Variants in PCSK5 observed in about 807,000 individuals in gnomAD.
The protein encoded by PCSK5 is proprotein convertase subtilisin/kexin type 5.
A neutral mutation model predicts 233.2 loss-of-function variants in PCSK5; 129 were observed. The ratio of observed to expected loss-of-function variants is 0.55; its 90% CI spans 0.48 to 0.64. The LOEUF is 0.64. PCSK5 is among the 30% of genes least tolerant of loss of function. The pLI is 0.00. For synonymous variants in PCSK5, 825 were observed against 879.2 expected, an observed-to-expected ratio of 0.94 and a Z score of 1.09; for missense variants, 2,076 against 2,430.1, an observed-to-expected ratio of 0.85 and a Z score of 3.06.
At chr9:76,355,428 G>A (rs966021640) in intron 37 of PCSK5, among the ~76,000 whole-genome samples, 3 of 151,904 alleles carry the variant, frequency 2.0e-5, no homozygotes, top group Non-Finnish European at 4.4e-5. Context: ...AGCCAAGATC[G>A]TGCCACTGCA....
At chr9:76,230,348 A>G (rs563773171) in intron 21 of PCSK5, among the ~76,000 whole-genome samples, 52 of 152,190 alleles carry the variant, frequency 3.4e-4, no homozygotes, top group Non-Finnish European at 5.9e-4. Flanking sequence ...TATGTGATTG[A>G]TATGTTCCTC....
At chr9:76,218,465 A>G (rs1434093036) in intron 20 of PCSK5, among the ~76,000 whole-genome samples, 1 of 152,174 alleles carries the variant, frequency 6.6e-6, no homozygotes, top group Non-Finnish European at 1.5e-5. Context: ...CAGGGTTTAG[A>G]TGATGTTCAC....
At chr9:76,347,431 C>T (rs1204593639) in intron 35 of PCSK5, among the ~76,000 whole-genome samples, 3 of 152,116 alleles carry the variant, frequency 2.0e-5, no homozygotes, top group African/African-American at 4.8e-5. Context: ...CAACAAACTG[C>T]CTTTTGCTAA....
At chr9:76,042,023 A>G (rs1026446451) in intron 5 of PCSK5, among the ~76,000 whole-genome samples, 3 of 152,188 alleles carry the variant, frequency 2.0e-5, no homozygotes, top group Non-Finnish European at 4.4e-5. Flanking sequence ...TCATGTTGTT[A>G]TTCTACAGTG....
At chr9:75,960,254 C>CAG (rs999421847) in intron 2 of PCSK5, among the ~76,000 whole-genome samples, 1 of 152,170 alleles carries the variant, frequency 6.6e-6, no homozygotes, top group Admixed American at 6.5e-5. Context: ...AAGACTCAGT[C>CAG]AGAGCAATTG....
At chr9:76,193,580 C>T (rs1247729825) in intron 20 of PCSK5, 1 of 447,422 alleles carries the variant, frequency 2.2e-6, no homozygotes, top group Admixed American at 3.9e-5. Flanking sequence ...CCTTTTATAA[C>T]TGGGTGTTTA....
chr9:75,994,775 C>T (rs188533617), intron 3 of PCSK5, among the ~76,000 whole-genome samples: 131 of 152,210 alleles, frequency 8.6e-4, no homozygotes, highest in Non-Finnish European at 1.6e-3. Context: ...CATACAGCAG[C>T]CAGAGTGATT....
At chr9:75,953,773 C>T (rs1425192768) in intron 2 of PCSK5, among the ~76,000 whole-genome samples, 1 of 151,894 alleles carries the variant, frequency 6.6e-6, no homozygotes, top group Middle Eastern at 3.2e-3. Context: ...CTATCAAATT[C>T]CCACACTTTT....
intron 3 of PCSK5, among the ~76,000 whole-genome samples, chr9:75,993,778 T>G (rs762966573): frequency 2.4e-4 from 36 of 152,182 alleles, no homozygotes; most frequent in Non-Finnish European, 4.6e-4. Flanking sequence ...CTTGCTTTAG[T>G]AAATCACACA....
chr9:76,141,973 A>G (rs1189503855), intron 10 of PCSK5, among the ~76,000 whole-genome samples: 2 of 152,138 alleles, frequency 1.3e-5, no homozygotes, highest in East Asian at 1.9e-4. Context: ...ACTGGGGCCT[A>G]CTTGAGCGGG....
intron 5 of PCSK5, among the ~76,000 whole-genome samples, chr9:76,057,803 C>T (rs1829874044): frequency 6.9e-6 from 1 of 143,898 alleles, no homozygotes; most frequent in Admixed American, 6.9e-5. Context: ...TGGTATGGTA[C>T]ATCTAAAACT....
intron 2 of PCSK5, among the ~76,000 whole-genome samples, chr9:75,960,504 G>C (rs561107768): frequency 3.3e-5 from 5 of 152,286 alleles, no homozygotes; most frequent in Non-Finnish European, 5.9e-5. Context: ...GGAAAACAGA[G>C]GGAATGTGAT....
intron 20 of PCSK5, among the ~76,000 whole-genome samples, chr9:76,225,490 C>T (rs1057458246): frequency 2.5e-4 from 38 of 152,036 alleles, no homozygotes; most frequent in African/African-American, 8.9e-4. Flanking sequence ...TTTGCACTGG[C>T]CCCTGTAGGC....
chr9:76,075,871 G>A (rs1186406172), intron 7 of PCSK5, among the ~76,000 whole-genome samples: 1 of 152,136 alleles, frequency 6.6e-6, no homozygotes, highest in Non-Finnish European at 1.5e-5. Flanking sequence ...CTTTCTATAT[G>A]CTGTAGATAA....
At chr9:75,907,249 T>A (rs569672764) in intron 1 of PCSK5, among the ~76,000 whole-genome samples, 249 of 152,292 alleles carry the variant, frequency 1.6e-3, no homozygotes, top group Non-Finnish European at 2.7e-3. Flanking sequence ...TAGCATAGTG[T>A]CTCACTGTGT....
At chr9:76,218,503 T>C (rs1825617417) in intron 20 of PCSK5, among the ~76,000 whole-genome samples, 1 of 151,788 alleles carries the variant, frequency 6.6e-6, no homozygotes, top group African/African-American at 2.4e-5. Context: ...GTGCTTAAAT[T>C]CCTTGATCAA....
intron 20 of PCSK5, among the ~76,000 whole-genome samples, chr9:76,224,056 G>C (rs1350620978): frequency 1.3e-5 from 2 of 152,110 alleles, no homozygotes; most frequent in African/African-American, 2.4e-5. Flanking sequence ...GCAGACTTGA[G>C]AGACAGGCAC....
chr9:75,955,645 C>CT lies in PCSK5; in HGVS notation c.297+23172dup, dbSNP rs145901547. Among the ~76,000 whole-genome samples the CT allele has an allele frequency of 9.3e-3, 1,364 of 147,016 alleles. 22 individuals carry two copies. Among genetic ancestry groups the CT allele is most frequent in the African/African-American group, 0.029 (1,178 of 40,192 alleles). On this transcript the variant is annotated intron_variant, in intron 2 of 37. Transcript: ENST00000674117. ...TATATACTAACTCAGTGTTTCTCAG[C>CT]TTTTTTTTTTGTTCCTATTATTGTC...
chr9:75,892,028 C>T (rs1265207676), intron 1 of PCSK5, among the ~76,000 whole-genome samples: 1 of 152,054 alleles, frequency 6.6e-6, no homozygotes, highest in East Asian at 1.9e-4. Flanking sequence ...TGGGGGCTCC[C>T]GGAAGGGAGT....
Sources: allele counts gnomAD v4.1 joint callset (sites outside exome capture counted in the v4.1 genomes callset), GRCh38; gene constraint gnomAD v4.1.1; transcripts MANE v1.5; gene names NCBI Gene and HGNC (gene_info 2026-07-23, HGNC 2026-07-21).